CDH12: variants seen among roughly 807,000 people sequenced by gnomAD.
CDH12 encodes cadherin 12.
Under a neutral mutation model 74.1 loss-of-function variants are expected in CDH12, and 41 were observed. The ratio of observed to expected loss-of-function variants is 0.55; its 90% CI spans 0.43 to 0.72. CDH12 has a LOEUF of 0.72. Ranked by LOEUF, CDH12 falls within the 30% of genes least tolerant of loss-of-function variation. The probability of loss-of-function intolerance (pLI) is 0.00; values close to 1 mark genes in which losing one functional copy is unlikely to be tolerated. For synonymous variants in CDH12, 399 were observed against 355.0 expected, an observed-to-expected ratio of 1.12 and a Z score of -1.39; for missense variants, 945 against 977.2, an observed-to-expected ratio of 0.97 and a Z score of 0.44.
rs117521062 is a variant in CDH12 at position 22,640,485 on chromosome 5, G to A, written c.-522-135121C>T. ...TCTCCTCTACTTCTTTGCCCTAATC[G>A]CACCAAAGCACCCATAATTATTTGA... On this transcript the variant is annotated intron_variant, in intron 1 of 14. Coordinates refer to ENST00000382254, the MANE Select transcript of CDH12 (RefSeq NM_004061.5). Among the ~76,000 whole-genome samples the A allele has an allele frequency of 3.7e-3, 567 of 151,894 alleles. 1 individual carries two copies. Among genetic ancestry groups the A allele is most frequent in the African/African-American group, 0.011 (435 of 41,386 alleles).
At chr5:22,163,770 T>C (rs938163551) in intron 4 of CDH12, among the ~76,000 whole-genome samples, 1 of 152,122 alleles carries the variant, frequency 6.6e-6, no homozygotes, top group African/African-American at 2.4e-5. Context: ...ATTTCAAGGG[T>C]ACATATAAAT....
chr5:21,963,637 C>T (rs571323126), intron 6 of CDH12, among the ~76,000 whole-genome samples: 22 of 152,164 alleles, frequency 1.4e-4, no homozygotes, highest in African/African-American at 3.6e-4. Context: ...AATTCTATTA[C>T]GGCCAAAGAC....
chr5:22,219,508 G>C (rs1040796116), intron 3 of CDH12, among the ~76,000 whole-genome samples: 5 of 151,604 alleles, frequency 3.3e-5, no homozygotes, highest in Non-Finnish European at 7.4e-5. Context: ...ATAAGGAATA[G>C]GTGACTGCTA....
At chr5:21,800,849 C>T (rs1046065204) in intron 10 of CDH12, among the ~76,000 whole-genome samples, 1 of 152,162 alleles carries the variant, frequency 6.6e-6, no homozygotes, top group Non-Finnish European at 1.5e-5. Context: ...GACTGTTCCT[C>T]CTTCACACGT....
intron 5 of CDH12, among the ~76,000 whole-genome samples, chr5:22,059,468 G>C (rs1741035356): frequency 6.6e-6 from 1 of 151,934 alleles, no homozygotes; most frequent in Non-Finnish European, 1.5e-5. Flanking sequence ...ATGTATTTGT[G>C]AAAGTAAGCT....
intron 3 of CDH12, among the ~76,000 whole-genome samples, chr5:22,301,949 G>A (rs1177637124): frequency 6.6e-6 from 1 of 151,904 alleles, no homozygotes; most frequent in Non-Finnish European, 1.5e-5. Flanking sequence ...GATTACAGGT[G>A]TGAACCACTG....
intron 1 of CDH12, among the ~76,000 whole-genome samples, chr5:22,794,283 G>A (rs983345227): frequency 6.6e-6 from 1 of 152,202 alleles, no homozygotes; most frequent in Admixed American, 6.5e-5. Flanking sequence ...GGAGGTGGAT[G>A]ACCAGTTTTG....
chr5:22,563,074 A>T (rs1297406979), intron 1 of CDH12, among the ~76,000 whole-genome samples: 1 of 147,072 alleles, frequency 6.8e-6, no homozygotes, highest in African/African-American at 2.5e-5. Context: ...AGATTTATAT[A>T]TTTATATATA....
In CDH12 at chr5:22,278,827, T is replaced by C. The variant is rs113160238; in HGVS notation, c.-332-66184A>G. On this transcript the variant is annotated intron_variant, in intron 3 of 14. Transcript: ENST00000382254. ...GCAGAGGGGAAGGTAGCTATGGAGG[T>C]CATTTTTTAAAGAGACCAAAATAAA... is the stretch of plus-strand genomic sequence containing the variant. Among the ~76,000 whole-genome samples the C allele has an allele frequency of 6.5e-3, 989 of 152,210 alleles. 4 individuals are homozygous for C. The highest frequency in any genetic ancestry group is 0.01 in the Admixed American group (160 of 15,266).
At chr5:22,244,555 G>A (rs1454323556) in intron 3 of CDH12, among the ~76,000 whole-genome samples, 15 of 83,320 alleles carry the variant, frequency 1.8e-4, no homozygotes, top group South Asian at 1.4e-3. Flanking sequence ...AGAAGAAGAA[G>A]AAAGAGAGAA....
chr5:22,194,237 C>T (rs564890028), intron 4 of CDH12, among the ~76,000 whole-genome samples: 7 of 151,940 alleles, frequency 4.6e-5, no homozygotes, highest in African/African-American at 1.7e-4. Context: ...AGAGGTGACA[C>T]ACTGCTTACT....
At chr5:22,257,736 T>G (rs979905615) in intron 3 of CDH12, among the ~76,000 whole-genome samples, 1 of 152,036 alleles carries the variant, frequency 6.6e-6, no homozygotes, top group South Asian at 2.1e-4. Context: ...GAGCTCCTGA[T>G]TTGCCTGCCT....
At chr5:22,798,584 T>A (rs1308038876) in intron 1 of CDH12, among the ~76,000 whole-genome samples, 1 of 152,080 alleles carries the variant, frequency 6.6e-6, no homozygotes, top group Non-Finnish European at 1.5e-5. Context: ...CAAATCATAA[T>A]CGTGATAAAA....
At chr5:22,358,404 C>T (rs1740655070) in intron 3 of CDH12, among the ~76,000 whole-genome samples, 1 of 151,944 alleles carries the variant, frequency 6.6e-6, no homozygotes, top group African/African-American at 2.4e-5. Context: ...TAGAGCGAGA[C>T]TCTGTCTCCC....
chr5:22,445,599 AAAT>A lies in CDH12; in HGVS notation c.-427-40251_-427-40249del, dbSNP rs1744786791. On this transcript the variant is annotated intron_variant, in intron 2 of 14. Transcript: ENST00000382254. The stretch of plus-strand genomic sequence containing the variant: ...TGTGTAAAACAAAACAATTTAAGAA[AAAT>A]AATGTTTTTATCTTGAACCTCCCTT... Among the ~76,000 whole-genome samples, 4 of 152,256 alleles carry A rather than the reference AAAT, an allele frequency of 2.6e-5. No individual in the cohort carries two copies. The South Asian group carries it at 8.3e-4, about 32-fold the overall frequency.
At chr5:21,899,035 C>T (rs1753261510) in intron 6 of CDH12, among the ~76,000 whole-genome samples, 1 of 152,150 alleles carries the variant, frequency 6.6e-6, no homozygotes, top group African/African-American at 2.4e-5. Context: ...GTCTTTCCAC[C>T]TCTGTGATTT....
intron 6 of CDH12, among the ~76,000 whole-genome samples, chr5:21,954,271 G>A (rs1324798965): frequency 6.7e-6 from 1 of 149,738 alleles, no homozygotes; most frequent in African/African-American, 2.5e-5. Flanking sequence ...TTAGATTATT[G>A]GTGCTCCTCC....
chr5:22,322,547 G>A (rs1016653127), intron 3 of CDH12, among the ~76,000 whole-genome samples: 1 of 152,134 alleles, frequency 6.6e-6, no homozygotes, highest in Non-Finnish European at 1.5e-5. Context: ...TGATGATGAC[G>A]ATGATGATCA....
intron 1 of CDH12, among the ~76,000 whole-genome samples, chr5:22,766,926 C>G (rs1746544146): frequency 6.6e-6 from 1 of 151,972 alleles, no homozygotes; most frequent in Admixed American, 6.6e-5. Context: ...ATCTTGGAAC[C>G]AATTACTCAA....
Sources: gnomAD v4.1 joint callset for allele counts (sites outside exome capture counted in the v4.1 genomes callset) on GRCh38, gnomAD v4.1.1 for gene constraint, MANE v1.5 for transcripts, NCBI Gene and HGNC (gene_info 2026-07-23, HGNC 2026-07-21) for gene names.